NDST4: variants seen among roughly 807,000 people sequenced by gnomAD.
NDST4 encodes the protein N-heparan sulfate sulfotransferase 4.
A neutral mutation model predicts 100.8 loss-of-function variants in NDST4; 63 were observed. The observed-to-expected ratio is 0.62, with a 90% confidence interval of 0.51 to 0.77. The LOEUF (loss-of-function observed/expected upper bound fraction) is 0.77. NDST4 is among the 30% of genes least tolerant of loss of function. The pLI, the probability that NDST4 is intolerant of heterozygous loss-of-function variation, is 0.00. For synonymous variants in NDST4, 377 were observed against 361.8 expected, an observed-to-expected ratio of 1.04 and a Z score of -0.48; for missense variants, 943 against 1,018.4, an observed-to-expected ratio of 0.93 and a Z score of 1.01.
At chr4:114,881,985 T>C (rs1190330900) in intron 6 of NDST4, among the ~76,000 whole-genome samples, 1 of 152,040 alleles carries the variant, frequency 6.6e-6, no homozygotes, top group African/African-American at 2.4e-5. Flanking sequence ...ACTCATATAC[T>C]CTCTACTCCC....
chr4:115,049,384 T>C (rs1176054279), intron 2 of NDST4, among the ~76,000 whole-genome samples: 2 of 152,028 alleles, frequency 1.3e-5, no homozygotes, highest in Non-Finnish European at 2.9e-5. Flanking sequence ...ATTCTGTCAT[T>C]GATTAGCTTA....
chr4:114,850,853 A>C (rs1289782288), intron 8 of NDST4, among the ~76,000 whole-genome samples: 1 of 152,162 alleles, frequency 6.6e-6, no homozygotes, highest in Non-Finnish European at 1.5e-5. Flanking sequence ...ATGATGAAGG[A>C]TGAATATCTG....
At chr4:114,992,916 C>G (rs890876459) in intron 2 of NDST4, among the ~76,000 whole-genome samples, 3 of 151,692 alleles carry the variant, frequency 2.0e-5, no homozygotes, top group Non-Finnish European at 4.4e-5. Context: ...TGATGGTCAG[C>G]TGAATTGTAA....
intron 3 of NDST4, among the ~76,000 whole-genome samples, chr4:114,972,275 CT>C (rs1165673785): frequency 1.3e-5 from 2 of 151,980 alleles, no homozygotes; most frequent in Non-Finnish European, 2.9e-5. Context: ...TATATAGCAA[CT>C]TCTTTCTTTT....
chr4:115,029,040 A>C (rs567524436), intron 2 of NDST4, among the ~76,000 whole-genome samples: 1 of 152,248 alleles, frequency 6.6e-6, no homozygotes, highest in South Asian at 2.1e-4. Flanking sequence ...TCTATGTAGA[A>C]AGGGTCACTT....
chr4:114,959,696 T>C lies in NDST4; in HGVS notation c.1221+10734A>G, dbSNP rs543898535. ...GAAATTTGAGCTAACAGAAGAAAAA[T>C]TTAGCACACTTGAAAATCGATTATG... On this transcript the variant is annotated intron_variant, in intron 4 of 13. Transcript: ENST00000264363. Among the ~76,000 whole-genome samples the C allele has an allele frequency of 5.3e-5, 8 of 151,904 alleles. No homozygotes were observed. The East Asian group carries it at 1.5e-3, about 29-fold the overall frequency.
chr4:114,987,021 T>C (rs1726929867), intron 2 of NDST4, among the ~76,000 whole-genome samples: 2 of 151,776 alleles, frequency 1.3e-5, no homozygotes, highest in Admixed American at 1.3e-4. Flanking sequence ...AAAGGCAAAG[T>C]ATTTAAATAT....
At chr4:115,018,082 A>C (rs1467090606) in intron 2 of NDST4, among the ~76,000 whole-genome samples, 2 of 151,946 alleles carry the variant, frequency 1.3e-5, no homozygotes, top group Non-Finnish European at 2.9e-5. Flanking sequence ...TGTAAGTCAA[A>C]ATGCTGTTGA....
At chr4:114,969,318 AAAG>A (rs1402899965) in intron 4 of NDST4, among the ~76,000 whole-genome samples, 197 of 142,978 alleles carry the variant, frequency 1.4e-3, no homozygotes, top group African/African-American at 4.9e-3. Flanking sequence ...CGTCTCAAAA[AAAG>A]AAAAAAAAAA....
intron 6 of NDST4, among the ~76,000 whole-genome samples, chr4:114,885,821 A>G (rs1281563451): frequency 6.6e-6 from 1 of 152,130 alleles, no homozygotes; most frequent in Non-Finnish European, 1.5e-5. Flanking sequence ...TAAATTTTAT[A>G]CACATTTCAA....
intron 6 of NDST4, among the ~76,000 whole-genome samples, chr4:114,879,406 C>T (rs1400395464): frequency 6.6e-6 from 1 of 152,154 alleles, no homozygotes; most frequent in Admixed American, 6.6e-5. Context: ...AAGCAGACAT[C>T]ACTCAAGGGT....
At chr4:115,056,223 A>G (rs1157569611) in intron 2 of NDST4, among the ~76,000 whole-genome samples, 2 of 151,984 alleles carry the variant, frequency 1.3e-5, no homozygotes, top group Non-Finnish European at 2.9e-5. Flanking sequence ...ATGATGGCTC[A>G]TGCCTGTAGT....
chr4:114,897,453 C>T (rs1724740195), intron 6 of NDST4, among the ~76,000 whole-genome samples: 1 of 152,070 alleles, frequency 6.6e-6, no homozygotes, highest in Admixed American at 6.6e-5. Flanking sequence ...TCTTTATTTA[C>T]CACAGTATAT....
At chr4:115,063,752 T>C (rs1433780093) in intron 2 of NDST4, among the ~76,000 whole-genome samples, 1 of 151,980 alleles carries the variant, frequency 6.6e-6, no homozygotes, top group African/African-American at 2.4e-5. Context: ...TTTAAAGCAT[T>C]AACCACAAGA....
At chr4:115,038,261 A>T (rs1728275109) in intron 2 of NDST4, among the ~76,000 whole-genome samples, 2 of 152,308 alleles carry the variant, frequency 1.3e-5, no homozygotes, top group South Asian at 4.1e-4. Context: ...TGCTATCCTT[A>T]GTTTTTTAAA....
intron 4 of NDST4, among the ~76,000 whole-genome samples, chr4:114,966,792 T>A (rs1040758710): frequency 6.6e-6 from 1 of 152,160 alleles, no homozygotes; most frequent in Non-Finnish European, 1.5e-5. Context: ...AATCCACAAA[T>A]GATCACAGAA....
At chr4:115,047,453 T>C (rs1200886550) in intron 2 of NDST4, among the ~76,000 whole-genome samples, 1 of 152,132 alleles carries the variant, frequency 6.6e-6, no homozygotes, top group East Asian at 1.9e-4. Context: ...GCATTTATTA[T>C]TACAAAGTAA....
intron 4 of NDST4, among the ~76,000 whole-genome samples, chr4:114,966,062 C>T (rs1726373944): frequency 6.6e-6 from 1 of 152,012 alleles, no homozygotes; most frequent in African/African-American, 2.4e-5. Flanking sequence ...CTCCACCCTA[C>T]TGCCATACTA....
At chr4:114,973,970 T>G (rs574032588) in intron 3 of NDST4, among the ~76,000 whole-genome samples, 53 of 152,012 alleles carry the variant, frequency 3.5e-4, no homozygotes, top group African/African-American at 1.3e-3. Flanking sequence ...AAGCTACCTA[T>G]GGTTCCAAAA....
Sources: allele counts gnomAD v4.1 joint callset (sites outside exome capture counted in the v4.1 genomes callset), GRCh38; gene constraint gnomAD v4.1.1; transcripts MANE v1.5; gene names NCBI Gene and HGNC (gene_info 2026-07-23, HGNC 2026-07-21).